ATP6V1B2: variants seen among roughly 807,000 people sequenced by gnomAD.
ATP6V1B2 encodes V-type proton ATPase subunit B, brain isoform.
ATP6V1B2 carries 23 observed loss-of-function variants against 66.7 expected under a neutral mutation model. That is an observed-to-expected ratio of 0.34 (90% CI 0.25 to 0.49). ATP6V1B2 has a LOEUF of 0.49. Ranked by LOEUF, ATP6V1B2 falls within the 20% of genes least tolerant of loss-of-function variation. The probability of loss-of-function intolerance (pLI) is 0.99; values close to 1 mark genes in which losing one functional copy is unlikely to be tolerated. For synonymous variants in ATP6V1B2, 278 were observed against 236.7 expected, an observed-to-expected ratio of 1.17 and a Z score of -1.60; for missense variants, 478 against 650.8, an observed-to-expected ratio of 0.73 and a Z score of 2.89.
intron 1 of ATP6V1B2, among the ~76,000 whole-genome samples, chr8:20,202,494 G>C (rs1463976738): frequency 1.3e-5 from 2 of 152,190 alleles, no homozygotes; most frequent in Admixed American, 6.5e-5. Flanking sequence ...CTTTTTAAAA[G>C]GCTGGATACG....
At chr8:20,218,840 C>T (rs763757835) in intron 13 of ATP6V1B2, among the ~76,000 whole-genome samples, 9 of 152,116 alleles carry the variant, frequency 5.9e-5, no homozygotes, top group East Asian at 3.9e-4. Flanking sequence ...TTAGGAACAC[C>T]GTTGTTGTTT....
At chr8:20,207,051 A>C (rs1433887717) in intron 2 of ATP6V1B2, among the ~76,000 whole-genome samples, 1 of 152,230 alleles carries the variant, frequency 6.6e-6, no homozygotes, top group East Asian at 1.9e-4. Context: ...CAGTTTACAA[A>C]AATTTTTAGT....
intron 13 of ATP6V1B2, among the ~76,000 whole-genome samples, 195 bp from the exon 14 acceptor site, chr8:20,220,068 C>G (rs548740122): frequency 6.6e-6 from 1 of 152,138 alleles, no homozygotes; most frequent in East Asian, 1.9e-4. Flanking sequence ...CGCCTCTTCC[C>G]TCTTCTCTGG....
chr8:20,215,129 G>C lies in ATP6V1B2; in HGVS notation c.1078+161G>C, dbSNP rs929972624. 8.4e-6 allele frequency: 7 copies of C among 835,614 alleles called. 1 individual carries two copies. Among genetic ancestry groups the C allele is most frequent in the African/African-American group, 7.0e-5 (4 of 57,122 alleles). The allele number at this position is 835,614 out of a possible 1,614,324, so 51.8% of individuals were successfully genotyped here. ...ATTTTTCATTTGAAAATTACCCACA[G>C]TTATTATCCTATTGTGGAGGAAAAG... On this transcript the variant is annotated intron_variant, in intron 10 of 13. Transcript: ENST00000276390.
chr8:20,205,065 A>T (rs1563805105), intron 2 of ATP6V1B2, among the ~76,000 whole-genome samples: 1 of 152,194 alleles, frequency 6.6e-6, no homozygotes, highest in South Asian at 2.1e-4. Flanking sequence ...CTGCAGATTG[A>T]TTCAAAGCCA....
intron 6 of ATP6V1B2, 110 bp from the exon 7 acceptor site, chr8:20,211,542 C>A: frequency 1.5e-6 from 2 of 1,315,448 alleles, no homozygotes; most frequent in Non-Finnish European, 2.1e-6. Flanking sequence ...TACCCTAAAA[C>A]ATCCTGGTTT....
At chr8:20,211,472 G>A in intron 6 of ATP6V1B2, 156 bp downstream of exon 6, 2 of 1,291,156 alleles carry the variant, frequency 1.5e-6, no homozygotes, top group Non-Finnish European at 2.1e-6. Flanking sequence ...TTCTGCACAT[G>A]TCTTCTTGCT....
chr8:20,217,022 G>T (rs375747456), intron 11 of ATP6V1B2, 198 bp from the exon 12 acceptor site: 1 of 549,236 alleles, frequency 1.8e-6, no homozygotes, highest in Admixed American at 3.1e-5. Flanking sequence ...TTTGATTCTC[G>T]AAAGAAATGC....
Position 20,212,110 on chromosome 8 carries a change from G to A in ATP6V1B2, c.714G>A (p.Met238Ile). 6.2e-7 allele frequency: 1 copy of A among 1,613,404 alleles called. No individual in the cohort carries two copies. The highest frequency in any genetic ancestry group is 8.5e-7 in the Non-Finnish European group (1 of 1,179,618). The change falls in exon 8 of 14, where the codon ATG becomes ATA. Residue 238 changes from methionine to isoleucine, a missense_variant. Coordinates refer to ENST00000276390, the MANE Select transcript of ATP6V1B2 (RefSeq NM_001693.4). ...AAGTTATTGTTATTTAGGTAAACATGGAAACTGCCCGGTTCTTCAAATCTG... is the reference window on the plus strand; with the variant it reads ...AAGTTATTGTTATTTAGGTAAACATAGAAACTGCCCGGTTCTTCAAATCTG... ...AIVFAAMGVN[M>I]ETARFFKSDF...
intron 10 of ATP6V1B2, chr8:20,215,693 C>A (rs556313720): frequency 6.6e-6 from 1 of 152,238 alleles, no homozygotes; most frequent in South Asian, 2.1e-4. Flanking sequence ...ATTTAGGACC[C>A]AGTTTGAGTT....
intron 1 of ATP6V1B2, among the ~76,000 whole-genome samples, chr8:20,198,665 T>C (rs1284301492): frequency 6.6e-6 from 1 of 152,148 alleles, no homozygotes; most frequent in East Asian, 1.9e-4. Flanking sequence ...GCCGACTGAT[T>C]AAAAAGGATT....
chr8:20,216,699 C>T (rs964916488), intron 11 of ATP6V1B2: 1 of 457,370 alleles, frequency 2.2e-6, no homozygotes, highest in East Asian at 3.6e-5. Context: ...TTAACACTTT[C>T]CTTTATTGTG....
At chr8:20,204,368 G>A in intron 1 of ATP6V1B2, 116 bp from the exon 2 acceptor site, 1 of 820,768 alleles carries the variant, frequency 1.2e-6, no homozygotes, top group Non-Finnish European at 1.9e-6. Context: ...AGCTATTTGA[G>A]TGTACCGTAT....
At position 20,217,341 on chromosome 8, in the gene ATP6V1B2, A is replaced by G. The variant is rs1563817390; in HGVS notation, c.1266+17A>G. 6.3e-7 allele frequency: 1 copy of G among 1,585,668 alleles called. No individual in the cohort carries two copies. Among genetic ancestry groups the G allele is most frequent in the Non-Finnish European group, 8.7e-7 (1 of 1,154,436 alleles). ...AACCAGCTAGTATGTACATTCTTCT[A>G]AGAATGGTGTTTGAAAATATGGATA... On this transcript the variant is annotated intron_variant, in intron 12 of 13. Coordinates refer to ENST00000276390, the MANE Select transcript of ATP6V1B2 (RefSeq NM_001693.4).
At chr8:20,210,926 A>G (rs750652155) in intron 5 of ATP6V1B2, among the ~76,000 whole-genome samples, 2 of 152,134 alleles carry the variant, frequency 1.3e-5, no homozygotes, top group East Asian at 1.9e-4. Flanking sequence ...CTTATTTGCT[A>G]TATCTTTATT....
intron 7 of ATP6V1B2, 57 bp downstream of exon 7, chr8:20,211,810 C>A: frequency 7.4e-7 from 1 of 1,353,608 alleles, no homozygotes; most frequent in Non-Finnish European, 1.0e-6. Context: ...GTCGTGAGAA[C>A]ATTGTAGTAA....
chr8:20,209,981 T>G (rs892575085), intron 3 of ATP6V1B2, among the ~76,000 whole-genome samples: 17 of 151,726 alleles, frequency 1.1e-4, no homozygotes, highest in Admixed American at 6.6e-5. Context: ...GAGTAAAGCT[T>G]TTAGGCTTTG....
chr8:20,204,418 G>T lies in ATP6V1B2; in HGVS notation c.137-66G>T, dbSNP rs558885521. On this transcript the variant is annotated intron_variant, in intron 1 of 13. Transcript: ENST00000276390. ...TAACGTAGAAAGGATTTTTGGTAAT[G>T]CCAGAGAGCTAATTTAAGCTTTTGT... The T allele has an allele frequency of 7.1e-6, 10 of 1,413,858 alleles. No homozygotes were observed. In the African/African-American group the frequency reaches 1.1e-4, roughly 16 times the overall value. 87.6% of individuals were successfully genotyped at this position (1,413,858 alleles called of 1,614,324 possible). A position where few individuals can be genotyped will look rare whatever the true frequency, so the allele number is the denominator to read the frequency against.
rs2072895217 is a variant in ATP6V1B2 at position 20,220,319 on chromosome 8, C to T, written c.1453C>T (p.Arg485Ter). 1.2e-6 allele frequency: 2 copies of T among 1,605,256 alleles called. No homozygotes were observed. The highest frequency in any genetic ancestry group is 8.5e-7 in the Non-Finnish European group (1 of 1,177,526). ...ETLDIGWQLL[R>*]IFPKEMLKRI... ...TTTGGACATTGGCTGGCAGCTACTC[C>T]GAATCTTCCCCAAAGAAATGCTGAA... Residue 485 changes from arginine (R) to a stop codon, truncating the protein, a stop_gained, in exon 14 of 14, where the codon CGA (arginine) becomes TGA (stop). Transcript: ENST00000276390. LOFTEE classifies it high-confidence loss of function.
Sources: allele counts gnomAD v4.1 joint callset (sites outside exome capture counted in the v4.1 genomes callset), GRCh38; gene constraint gnomAD v4.1.1; transcripts MANE v1.5; gene names NCBI Gene and HGNC (gene_info 2026-07-23, HGNC 2026-07-21).